Variants in NAV3 observed in about 807,000 individuals in gnomAD.
NAV3 encodes pore membrane and/or filament interacting like protein 1.
NAV3 carries 87 observed loss-of-function variants against 244.7 expected under a neutral mutation model. That is an observed-to-expected ratio of 0.36 (90% CI 0.30 to 0.42). The LOEUF (loss-of-function observed/expected upper bound fraction) is 0.42. Ranked by LOEUF, NAV3 falls within the 20% of genes least tolerant of loss-of-function variation. NAV3 has a pLI of 1.00. For synonymous variants in NAV3, 1,126 were observed against 1,042.2 expected (o/e 1.08, Z -1.55); for missense variants, 2,663 against 2,893.3 (o/e 0.92, Z 1.83).
chr12:77,844,834 G>C (rs1876339377), intron 1 of NAV3, among the ~76,000 whole-genome samples: 1 of 152,144 alleles, frequency 6.6e-6, no homozygotes, highest in East Asian at 1.9e-4. Context: ...TAAACTTCTA[G>C]TCAGGTGGCC....
intron 1 of NAV3, among the ~76,000 whole-genome samples, chr12:77,934,116 G>A (rs1167167121): frequency 6.6e-6 from 1 of 152,064 alleles, no homozygotes; most frequent in African/African-American, 2.4e-5. Flanking sequence ...TTTTCTTTCT[G>A]CAGTGATGGG....
At chr12:77,801,940 C>A (rs1232765306) in intron 2 of NAV3, among the ~76,000 whole-genome samples, 2 of 152,144 alleles carry the variant, frequency 1.3e-5, no homozygotes, top group East Asian at 3.9e-4. Flanking sequence ...TGTATTACAT[C>A]TCTCTACTCT....
At chr12:78,145,614 G>A (rs866767777) in intron 20 of NAV3, among the ~76,000 whole-genome samples, 2 of 152,188 alleles carry the variant, frequency 1.3e-5, no homozygotes. Context: ...TTGCAGCCCA[G>A]CATGAAGAAG....
intron 22 of NAV3, among the ~76,000 whole-genome samples, chr12:78,157,806 G>A (rs76860528): frequency 6.6e-6 from 1 of 151,616 alleles, no homozygotes; most frequent in Non-Finnish European, 1.5e-5. Context: ...AGAGAGAAGA[G>A]GGGGAGGAGA....
intron 22 of NAV3, among the ~76,000 whole-genome samples, chr12:78,157,539 T>G (rs1272945603): frequency 2.0e-5 from 3 of 151,978 alleles, no homozygotes; most frequent in South Asian, 2.1e-4. Flanking sequence ...CCAGCCTGGG[T>G]GGCAGCAAGA....
chr12:77,596,669 A>G (rs778023636), intron 2 of NAV3, among the ~76,000 whole-genome samples: 4 of 152,176 alleles, frequency 2.6e-5, no homozygotes, highest in Admixed American at 6.6e-5. Flanking sequence ...CAAGAGAGAA[A>G]AACATTTTAA....
chr12:77,637,246 A>G (rs1336277321), intron 2 of NAV3, among the ~76,000 whole-genome samples: 4 of 152,140 alleles, frequency 2.6e-5, no homozygotes, highest in African/African-American at 9.7e-5. Context: ...TATGGTCCAC[A>G]GCAAAAAATT....
chr12:78,160,155 A>G (rs550986114), intron 23 of NAV3, among the ~76,000 whole-genome samples: 23 of 152,286 alleles, frequency 1.5e-4, no homozygotes, highest in Non-Finnish European at 2.2e-4. Context: ...AATACTTAAA[A>G]TGAACCTAAA....
intron 2 of NAV3, among the ~76,000 whole-genome samples, chr12:77,796,449 C>A (rs540364099): frequency 2.0e-5 from 3 of 152,122 alleles, no homozygotes; most frequent in African/African-American, 2.4e-5. Flanking sequence ...TTTCTTGAAA[C>A]ACAGTCTATT....
At chr12:77,958,587 A>G (rs2137786282) in intron 3 of NAV3, among the ~76,000 whole-genome samples, 1 of 152,310 alleles carries the variant, frequency 6.6e-6, no homozygotes, top group African/African-American at 2.4e-5. Context: ...TTATGATAAG[A>G]TTAAGTATTT....
At chr12:78,059,439 C>T (rs1190157408) in intron 12 of NAV3, among the ~76,000 whole-genome samples, 2 of 152,058 alleles carry the variant, frequency 1.3e-5, no homozygotes, top group East Asian at 3.9e-4. Flanking sequence ...CAGGCACGCA[C>T]CACCATGCCC....
chr12:77,969,159 T>A (rs1174662929), intron 5 of NAV3, among the ~76,000 whole-genome samples: 1 of 151,762 alleles, frequency 6.6e-6, no homozygotes, highest in African/African-American at 2.4e-5. Flanking sequence ...TGTGTGTGTG[T>A]GTGTGTGTGT....
chr12:77,873,684 T>TATAC (rs1881353501), intron 1 of NAV3, among the ~76,000 whole-genome samples: 4 of 97,762 alleles, frequency 4.1e-5, no homozygotes, highest in Non-Finnish European at 8.0e-5. Flanking sequence ...TATGTGTATA[T>TATAC]ATATATATAT....
At chr12:78,113,959 C>T (rs908235370) in intron 12 of NAV3, among the ~76,000 whole-genome samples, 9 of 152,142 alleles carry the variant, frequency 5.9e-5, no homozygotes, top group African/African-American at 2.2e-4. Context: ...CAAATCATAT[C>T]TTGAACACTT....
chr12:77,962,462 C>A (rs1892114161), intron 3 of NAV3, among the ~76,000 whole-genome samples: 1 of 152,124 alleles, frequency 6.6e-6, no homozygotes, highest in Admixed American at 6.6e-5. Flanking sequence ...GTGATTAAAG[C>A]CCAAAACCTT....
intron 18 of NAV3, among the ~76,000 whole-genome samples, chr12:78,131,960 A>G (rs995158260): frequency 2.6e-5 from 4 of 152,210 alleles, no homozygotes; most frequent in Admixed American, 2.6e-4. Context: ...GATTTTATGT[A>G]AAAGACATTC....
At chr12:77,677,238 C>G (rs1189543852) in intron 2 of NAV3, among the ~76,000 whole-genome samples, 1 of 152,172 alleles carries the variant, frequency 6.6e-6, no homozygotes, top group Non-Finnish European at 1.5e-5. Context: ...ATATGAAATA[C>G]TGAATGAATG....
intron 23 of NAV3, among the ~76,000 whole-genome samples, chr12:78,160,222 C>G (rs2139411303): frequency 6.6e-6 from 1 of 152,114 alleles, no homozygotes; most frequent in South Asian, 2.1e-4. Flanking sequence ...GAATTTAGTT[C>G]ACGAAGACAA....
chr12:77,857,448 A>T (rs547193627), intron 1 of NAV3, among the ~76,000 whole-genome samples: 9 of 151,972 alleles, frequency 5.9e-5, no homozygotes, highest in Admixed American at 1.3e-4. Flanking sequence ...TTAAATTATT[A>T]AAAAAATCTC....
Sources: gnomAD v4.1 joint callset for allele counts (sites outside exome capture counted in the v4.1 genomes callset) on GRCh38, gnomAD v4.1.1 for gene constraint, MANE v1.5 for transcripts, NCBI Gene and HGNC (gene_info 2026-07-23, HGNC 2026-07-21) for gene names.